The following ATP11B variants were observed in gnomAD, a reference collection of about 807,000 sequenced individuals.
ATP11B encodes the protein ATPase phospholipid transporting 11B (putative), also known as phospholipid-transporting ATPase IF.
In ATP11B, 81 loss-of-function variants were observed where a neutral mutation model predicts 157.8. The ratio of observed to expected loss-of-function variants is 0.51; its 90% CI spans 0.43 to 0.62. The LOEUF (loss-of-function observed/expected upper bound fraction) is 0.62, where lower values mean the gene tolerates loss of function less well. ATP11B is among the 20% of genes least tolerant of loss of function. ATP11B has a pLI of 0.00. For synonymous variants in ATP11B, 451 were observed against 469.4 expected (o/e 0.96, Z 0.51); for missense variants, 1,165 against 1,402.2 (o/e 0.83, Z 2.70).
chr3:182,884,947 T>C, intron 22 of ATP11B, 49 bp downstream of exon 22: 1 of 1,099,846 alleles, frequency 9.1e-7, no homozygotes, highest in Non-Finnish European at 1.3e-6. Context: ...AATATGAAGT[T>C]TCAATTTAAG....
intron 4 of ATP11B, among the ~76,000 whole-genome samples, chr3:182,833,110 A>C (rs1054639702): frequency 6.6e-6 from 1 of 152,190 alleles, no homozygotes; most frequent in East Asian, 1.9e-4. Context: ...CATTTGGATT[A>C]CTAAGCTGAA....
chr3:182,898,883 G>A lies in ATP11B; in HGVS notation c.3318+111G>A, dbSNP rs549292559. The A allele has an allele frequency of 1.5e-5, 10 of 679,562 alleles. No individual in the cohort carries two copies. In the South Asian group the frequency reaches 5.1e-4, roughly 34 times the overall value. 42.1% of individuals were successfully genotyped at this position (679,562 alleles called of 1,614,324 possible). On this transcript the variant is annotated intron_variant, in intron 28 of 29. Transcript: ENST00000323116. ...AGAAAATAGGAAATTAGCCATTCCTGTTTCAACTATTTTGTAACATAAACA... is the reference window on the plus strand; with the variant it reads ...AGAAAATAGGAAATTAGCCATTCCTATTTCAACTATTTTGTAACATAAACA...
chr3:182,920,954 A>AAAT lies in ATP11B; in HGVS notation c.*2852_*2854dup, dbSNP rs1459874313. On this transcript the variant is annotated 3_prime_UTR_variant, in exon 30 of 30. Coordinates refer to ENST00000323116, the MANE Select transcript of ATP11B (RefSeq NM_014616.3). ...TAAACAGAGGCAAATCAACCCTAGG[A>AAAT]AATACTTGCATTCTGCCCTACGGTT... is the stretch of plus-strand genomic sequence containing the variant. The AAAT allele has an allele frequency of 6.6e-6, 1 of 152,256 alleles. No individual in the cohort carries two copies. Among genetic ancestry groups the AAAT allele is most frequent in the African/African-American group, 2.4e-5 (1 of 41,450 alleles). 9.4% of individuals were successfully genotyped at this position (152,256 alleles called of 1,614,324 possible).
At position 182,865,670 on chromosome 3, in the gene ATP11B, G is replaced by A. The variant is rs752608975; in HGVS notation, c.1415G>A (p.Arg472Lys). The change falls in exon 13 of 30, where the codon AGA (arginine) becomes AAA (lysine). Residue 472 changes from arginine (R) to lysine (K), a missense_variant. By Grantham distance (26) the Arg-to-Lys change is conservative. This residue lies in a region of ATP11B where 737 missense variants were observed against 930.5 expected (regional missense o/e 0.79). Transcript: ENST00000323116. ...LSHLTTSSSF[R>K]TSPENETELI... ...CATCTTACAACCAGTTCCTCTTTCA[G>A]AACCAGTCCTGAAAATGAAACTGAA... 2 of 1,612,628 alleles carry A rather than the reference G, an allele frequency of 1.2e-6. No homozygotes were observed. Among genetic ancestry groups the A allele is most frequent in the South Asian group, 2.2e-5 (2 of 90,762 alleles).
chr3:182,853,277 G>A (rs1482450224), intron 10 of ATP11B, among the ~76,000 whole-genome samples: 1 of 152,020 alleles, frequency 6.6e-6, no homozygotes, highest in Non-Finnish European at 1.5e-5. Context: ...GTGCGATCTC[G>A]GCTCTCTGCA....
chr3:182,905,839 G>A (rs1175824608), intron 28 of ATP11B: 2 of 456,722 alleles, frequency 4.4e-6, no homozygotes, highest in East Asian at 1.4e-4. Context: ...TGAATTTGCT[G>A]AAAGCCAGCA....
At chr3:182,855,200 A>G (rs73883916) in intron 10 of ATP11B, among the ~76,000 whole-genome samples, 2,178 of 152,310 alleles carry the variant, frequency 0.014, 51 homozygotes, top group African/African-American at 0.051. Flanking sequence ...GTTAAAGAAT[A>G]GATACATAGA....
rs1022448115 is a variant in ATP11B, at chr3:182,853,006, C to T, written c.851+4449C>T. Among the ~76,000 whole-genome samples, 4 of 152,146 alleles carry T rather than the reference C, an allele frequency of 2.6e-5. No homozygotes were observed. The South Asian group carries it at 8.3e-4, about 31-fold the overall frequency. ...GACTTGTACCTAGACTATCCAGTCT[C>T]ACTACTTTTTAACATTATTCTAGAA... On this transcript the variant is annotated intron_variant, in intron 10 of 29. Transcript: ENST00000323116.
rs1187406480 is a variant in ATP11B, at chr3:182,811,626, G to T, written c.28-8634G>T. On this transcript the variant is annotated intron_variant, in intron 1 of 29. Transcript: ENST00000323116. The stretch of plus-strand genomic sequence containing the variant: ...AACTAGTACATACAGTTTTCTATAT[G>T]AGAATAGCAACCAATCGGAAAATAA... Among the ~76,000 whole-genome samples, 5 of 152,152 alleles carry T rather than the reference G, an allele frequency of 3.3e-5. 1 individual carries two copies. The highest frequency in any genetic ancestry group is 3.3e-4 in the Admixed American group (5 of 15,270).
chr3:182,904,694 C>T (rs995921736), intron 28 of ATP11B, among the ~76,000 whole-genome samples: 6 of 152,210 alleles, frequency 3.9e-5, no homozygotes, highest in African/African-American at 1.4e-4. Context: ...TCAAGGCCAT[C>T]CTGGCCAACA....
intron 8 of ATP11B, among the ~76,000 whole-genome samples, 195 bp downstream of exon 8, chr3:182,842,317 A>G (rs566605835): frequency 2.0e-5 from 3 of 152,272 alleles, no homozygotes; most frequent in Admixed American, 1.3e-4. Flanking sequence ...AGTGCAAGCT[A>G]GAGTGTTTAG....
chr3:182,894,730 C>T (rs1723413214), intron 25 of ATP11B, among the ~76,000 whole-genome samples: 1 of 152,050 alleles, frequency 6.6e-6, no homozygotes, highest in African/African-American at 2.4e-5. Flanking sequence ...AGGAAAATAC[C>T]GTGTAACATA....
chr3:182,872,576 A>G (rs772538312), intron 18 of ATP11B, 39 bp downstream of exon 18: 1 of 1,493,430 alleles, frequency 6.7e-7, no homozygotes, highest in Non-Finnish European at 9.0e-7. Context: ...CTTTTCTCTC[A>G]TAGGAATTTT....
chr3:182,802,879 A>G (rs1469720441), intron 1 of ATP11B, among the ~76,000 whole-genome samples: 3 of 152,050 alleles, frequency 2.0e-5, no homozygotes, highest in Non-Finnish European at 4.4e-5. Context: ...TTTCTTTCTC[A>G]TGTATTGATG....
At chr3:182,836,286 G>A in intron 5 of ATP11B, 56 bp from the exon 6 acceptor site, 1 of 1,606,482 alleles carries the variant, frequency 6.2e-7, no homozygotes, top group Non-Finnish European at 8.5e-7. Context: ...CCCAATAAAA[G>A]TAAGTCCTTG....
intron 17 of ATP11B, among the ~76,000 whole-genome samples, chr3:182,870,701 C>T (rs893099419): frequency 1.6e-4 from 24 of 152,022 alleles, no homozygotes; most frequent in Admixed American, 1.0e-3. Context: ...GGGCTGGGCG[C>T]GGTGGCTCAC....
chr3:182,903,526 A>G (rs370174894), intron 28 of ATP11B, among the ~76,000 whole-genome samples: 1 of 152,174 alleles, frequency 6.6e-6, no homozygotes, highest in East Asian at 1.9e-4. Flanking sequence ...AGATTTACTA[A>G]ACCTTTCAGG....
At position 182,873,899 on chromosome 3, in the gene ATP11B, A is replaced by G; in HGVS notation, c.2136A>G (p.Thr712=). The change falls in exon 19 of 30, where the codon ACA becomes ACG. Residue 712 remains threonine, a synonymous_variant. Transcript: ENST00000323116. The part of the protein sequence containing the change: ...VWVLTGDKHE[T]AVSVSLSCGH... ...TACTTACTGGGGATAAACATGAAAC[A>G]GCTGTTAGTGTGAGTTTATCATGTG... The G allele has an allele frequency of 1.9e-6, 3 of 1,614,156 alleles. No individual in the cohort carries two copies. Among genetic ancestry groups the G allele is most frequent in the Non-Finnish European group, 2.5e-6 (3 of 1,179,988 alleles).
chr3:182,859,024 C>T (rs1390239592), intron 11 of ATP11B, 138 bp from the exon 12 acceptor site: 58 of 524,638 alleles, frequency 1.1e-4, no homozygotes, highest in Non-Finnish European at 1.6e-4. Flanking sequence ...AAATGAATTT[C>T]AATTCATGAG....
Sources: allele counts gnomAD v4.1 joint callset (sites outside exome capture counted in the v4.1 genomes callset), GRCh38; gene constraint gnomAD v4.1.1; regional missense constraint gnomAD v4.1.1; transcripts MANE v1.5; gene names NCBI Gene and HGNC (gene_info 2026-07-23, HGNC 2026-07-21).